The following MED13 variants were observed in gnomAD, a reference collection of about 807,000 sequenced individuals.
The protein encoded by MED13 is mediator complex subunit 13.
Under a neutral mutation model 225.2 loss-of-function variants are expected in MED13, and 23 were observed. The ratio of observed to expected loss-of-function variants is 0.10; its 90% confidence interval spans 0.07 to 0.14. The LOEUF (loss-of-function observed/expected upper bound fraction) is 0.14, where lower values mean the gene tolerates loss of function less well. Among genes scored for constraint, MED13 ranks in the 10% least tolerant of loss-of-function variants. The pLI is 1.00. For missense variants in MED13, 2,197 were observed against 2,594.5 expected (o/e 0.85, Z 3.33); for synonymous variants, 942 against 889.2 (o/e 1.06, Z -1.06).
At chr17:62,037,969 A>C (rs1307242732) in intron 3 of MED13, among the ~76,000 whole-genome samples, 1 of 109,664 alleles carries the variant, frequency 9.1e-6, no homozygotes, top group African/African-American at 5.2e-5. Context: ...AAAAAAAAAA[A>C]AAAAAAAAAA....
chr17:61,957,589 C>T (rs534336852), intron 23 of MED13, among the ~76,000 whole-genome samples: 2 of 152,212 alleles, frequency 1.3e-5, no homozygotes, highest in Non-Finnish European at 2.9e-5. Flanking sequence ...ACCTCGTGAT[C>T]CGCCCGCCTT....
intron 16 of MED13, among the ~76,000 whole-genome samples, chr17:61,975,210 G>A (rs2080143766): frequency 1.3e-5 from 2 of 151,708 alleles, no homozygotes; most frequent in African/African-American, 4.8e-5. Flanking sequence ...ATGTGATAAG[G>A]GGGCTTATAT....
chr17:61,996,499 T>C (rs373551263), intron 9 of MED13, among the ~76,000 whole-genome samples: 1 of 152,250 alleles, frequency 6.6e-6, no homozygotes, highest in East Asian at 1.9e-4. Flanking sequence ...TCTTTTACTA[T>C]TCTAGTCCTC....
At chr17:61,953,249 T>C in intron 26 of MED13, 136 bp from the exon 27 acceptor site, 3 of 835,038 alleles carry the variant, frequency 3.6e-6, no homozygotes, top group Non-Finnish European at 5.4e-6. Context: ...GTCTACCATG[T>C]GCCAAGTATT....
chr17:61,989,705 A>G (rs2080278950), intron 11 of MED13, among the ~76,000 whole-genome samples: 1 of 152,212 alleles, frequency 6.6e-6, no homozygotes, highest in Non-Finnish European at 1.5e-5. Flanking sequence ...TCCTGGCCTC[A>G]AGCAATTCTC....
intron 28 of MED13, among the ~76,000 whole-genome samples, chr17:61,950,175 C>CA (rs1417766238): frequency 6.6e-6 from 1 of 152,044 alleles, no homozygotes; most frequent in Admixed American, 6.6e-5. Context: ...GAAGGTTAGA[C>CA]AGAGGTAATA....
chr17:62,015,814 A>G (rs2080558930), intron 8 of MED13, among the ~76,000 whole-genome samples: 2 of 123,000 alleles, frequency 1.6e-5, no homozygotes, highest in Admixed American at 8.7e-5. Context: ...ATCTATATAT[A>G]TACATACACA....
At chr17:62,001,269 T>G (rs2080392264) in intron 9 of MED13, among the ~76,000 whole-genome samples, 1 of 152,216 alleles carries the variant, frequency 6.6e-6, no homozygotes, top group Non-Finnish European at 1.5e-5. Context: ...CTTTACTGTT[T>G]AACTGGCTGC....
At chr17:62,065,101 GGCCCCCCTCCCTCGGC>G (rs1417155237) in intron 1 of MED13, 23 bp downstream of exon 1, 47 of 1,508,380 alleles carry the variant, frequency 3.1e-5, no homozygotes, top group Non-Finnish European at 4.2e-5. Context: ...CGCACCTCGC[GGCCCCCCTCCCTCGGC>G]GCCCGCCGGC....
At chr17:62,029,352 C>T in intron 8 of MED13, 189 bp downstream of exon 8, 4 of 568,118 alleles carry the variant, frequency 7.0e-6, no homozygotes, top group Non-Finnish European at 1.2e-5. Context: ...AGTGAATGAA[C>T]TGAAAGCTTA....
At chr17:61,997,466 C>T (rs2080356240) in intron 9 of MED13, among the ~76,000 whole-genome samples, 3 of 152,166 alleles carry the variant, frequency 2.0e-5, no homozygotes, top group Admixed American at 2.0e-4. Context: ...CTCTAAATAA[C>T]GGTTAGCTGA....
intron 23 of MED13, among the ~76,000 whole-genome samples, chr17:61,958,669 C>T (rs2079971188): frequency 6.6e-6 from 1 of 151,926 alleles, no homozygotes; most frequent in Non-Finnish European, 1.5e-5. Flanking sequence ...GACGGGGTTT[C>T]ATTATGTTGG....
Position 62,065,239 on chromosome 17 carries a change from C to G in MED13, c.-34G>C. 1.3e-6 allele frequency: 2 copies of G among 1,534,474 alleles called. No individual in the cohort carries two copies. The highest frequency in any genetic ancestry group is 1.8e-6 in the Non-Finnish European group (2 of 1,137,480). On this transcript the variant is annotated 5_prime_UTR_variant, in exon 1 of 30. Coordinates refer to ENST00000397786, the MANE Select transcript of MED13 (RefSeq NM_005121.3). ...ACAGCAGCCGCCGCCGGCGCCACAA[C>G]CCACCATCCGCCATTACCGCCGCCT...
At chr17:62,041,170 T>C (rs1473330520) in intron 3 of MED13, among the ~76,000 whole-genome samples, 1 of 152,186 alleles carries the variant, frequency 6.6e-6, no homozygotes, top group African/African-American at 2.4e-5. Flanking sequence ...CAAAATGTAG[T>C]ATATACATAC....
intron 2 of MED13, among the ~76,000 whole-genome samples, chr17:62,061,618 T>C (rs2081039861): frequency 6.6e-6 from 1 of 152,182 alleles, no homozygotes; most frequent in African/African-American, 2.4e-5. Flanking sequence ...TCTAGTAAGG[T>C]GATTTTTATG....
rs1825048397 is a variant in MED13, at chr17:62,030,007, G to A, written c.1016C>T (p.Pro339Leu). 1.3e-6 allele frequency: 2 copies of A among 1,561,410 alleles called. No individual in the cohort carries two copies. The highest frequency in any genetic ancestry group is 1.2e-5 in the South Asian group (1 of 82,120). ...TSPEEVQTVD[P>L]QSVQKWVKFS... ...TTTGACCCACTTCTGGACAGACTGAGGATCAACTGAAAACAAAACAAAAAA... is the reference window on the plus strand; with the variant it reads ...TTTGACCCACTTCTGGACAGACTGAAGATCAACTGAAAACAAAACAAAAAA... Residue 339 changes from proline to leucine, a missense_variant, in exon 7 of 30, where the codon CCT (proline) becomes CTT (leucine). Transcript: ENST00000397786.
intron 8 of MED13, among the ~76,000 whole-genome samples, chr17:62,011,956 C>T (rs1603402025): frequency 6.6e-6 from 1 of 152,182 alleles, no homozygotes; most frequent in African/African-American, 2.4e-5. Context: ...GTGGCTGACA[C>T]CTGCAATCCC....
intron 16 of MED13, 89 bp downstream of exon 16, chr17:61,982,109 A>C: frequency 7.9e-7 from 1 of 1,269,036 alleles, no homozygotes; most frequent in Non-Finnish European, 1.1e-6. Context: ...TGTATTTGCC[A>C]CATGGGAAAC....
At chr17:61,994,337 C>T (rs75779028) in intron 10 of MED13, among the ~76,000 whole-genome samples, 2,726 of 152,210 alleles carry the variant, frequency 0.018, 41 homozygotes, top group Non-Finnish European at 0.029. Context: ...TCCTGTGTAG[C>T]AAAGTTATCT....
Sources: allele counts gnomAD v4.1 joint callset (sites outside exome capture counted in the v4.1 genomes callset), GRCh38; gene constraint gnomAD v4.1.1; transcripts MANE v1.5; gene names NCBI Gene and HGNC (gene_info 2026-07-23, HGNC 2026-07-21).